Variants in TMTC1 observed in about 807,000 individuals in gnomAD.
TMTC1 encodes the protein transmembrane O-mannosyltransferase targeting cadherins 1, also known as protein O-mannosyl-transferase TMTC1.
In TMTC1, 73 loss-of-function variants were observed where a neutral mutation model predicts 104.8. The ratio of observed to expected loss-of-function variants is 0.70; its 90% CI spans 0.58 to 0.85. The LOEUF is 0.85. TMTC1 is among the 40% of genes least tolerant of loss of function. TMTC1 has a pLI of 0.00. For synonymous variants in TMTC1, 434 were observed against 428.7 expected, an observed-to-expected ratio of 1.01 and a Z score of -0.15; for missense variants, 1,035 against 1,096.1, an observed-to-expected ratio of 0.94 and a Z score of 0.79.
chr12:29,594,419 G>A (rs1473622452), intron 7 of TMTC1, among the ~76,000 whole-genome samples: 4 of 152,322 alleles, frequency 2.6e-5, no homozygotes, highest in South Asian at 2.1e-4. Flanking sequence ...TGTGTCCATC[G>A]TTCTTTAATT....
At chr12:29,549,505 A>T (rs2136237106) in intron 10 of TMTC1, among the ~76,000 whole-genome samples, 1 of 152,276 alleles carries the variant, frequency 6.6e-6, no homozygotes, top group East Asian at 1.9e-4. Flanking sequence ...TGAAGACTTA[A>T]GATTTGTGCA....
intron 5 of TMTC1, chr12:29,660,939 T>A: frequency 1.8e-6 from 2 of 1,105,398 alleles, no homozygotes; most frequent in Non-Finnish European, 2.5e-6. Context: ...AGACACAATG[T>A]TCTCCTTTCA....
At chr12:29,778,353 T>C (rs1246408862) in intron 1 of TMTC1, among the ~76,000 whole-genome samples, 1 of 152,214 alleles carries the variant, frequency 6.6e-6, no homozygotes, top group African/African-American at 2.4e-5. Flanking sequence ...AATTCAGCAG[T>C]ATCTTCTTCC....
At chr12:29,761,583 T>TC (rs2120395235) in intron 2 of TMTC1, among the ~76,000 whole-genome samples, 1 of 304 alleles carries the variant, frequency 3.3e-3, no homozygotes, top group African/African-American at 6.0e-3. Flanking sequence ...GCATTTCTCG[T>TC]TTTTTTTTTA....
chr12:29,639,758 A>G (rs542881967), intron 5 of TMTC1, among the ~76,000 whole-genome samples: 62 of 152,372 alleles, frequency 4.1e-4, no homozygotes, highest in African/African-American at 1.4e-3. Flanking sequence ...ATGCATACAT[A>G]CATTATGGAA....
At chr12:29,566,612 T>G (rs1945523646) in intron 9 of TMTC1, among the ~76,000 whole-genome samples, 1 of 152,118 alleles carries the variant, frequency 6.6e-6, no homozygotes, top group Non-Finnish European at 1.5e-5. Flanking sequence ...ACAACACCAG[T>G]TAGGAGCATA....
Position 29,716,872 on chromosome 12 carries a change from G to A in TMTC1, c.938+34794C>T, listed in dbSNP as rs534010273. On this transcript the variant is annotated intron_variant, in intron 5 of 17. Transcript: ENST00000539277. Reference sequence around the variant, plus strand: ...CTACTAAAAATACAAAAACTTAGCCGGGTGTGGTGGCGGGCACCTGTAGTC... The same window carrying A: ...CTACTAAAAATACAAAAACTTAGCCAGGTGTGGTGGCGGGCACCTGTAGTC... Among the ~76,000 whole-genome samples, 503 of 152,044 alleles carry A rather than the reference G, an allele frequency of 3.3e-3. 2 individuals are homozygous for A. The highest frequency in any genetic ancestry group is 0.011 in the African/African-American group (476 of 41,474).
intron 6 of TMTC1, among the ~76,000 whole-genome samples, chr12:29,625,188 G>T (rs1246918542): frequency 6.6e-6 from 1 of 152,138 alleles, no homozygotes; most frequent in African/African-American, 2.4e-5. Flanking sequence ...TTTTAACACA[G>T]AACAATGTCC....
At chr12:29,526,335 T>C (rs916398773) in intron 11 of TMTC1, among the ~76,000 whole-genome samples, 1 of 152,196 alleles carries the variant, frequency 6.6e-6, no homozygotes, top group Non-Finnish European at 1.5e-5. Flanking sequence ...ATTTAGATCC[T>C]CTCAAAAACC....
At chr12:29,665,150 C>CA (rs1249483695) in intron 5 of TMTC1, among the ~76,000 whole-genome samples, 10 of 149,978 alleles carry the variant, frequency 6.7e-5, no homozygotes, top group African/African-American at 9.8e-5. Flanking sequence ...TACCCAATTT[C>CA]AAAAAAAAAG....
chr12:29,727,287 G>A (rs302366), intron 5 of TMTC1, among the ~76,000 whole-genome samples: 35,847 of 152,226 alleles, frequency 0.24, 5,098 homozygotes, highest in Admixed American at 0.32. Context: ...ATGGATTACA[G>A]TGATGCAGGA....
In TMTC1 at chr12:29,518,539, T is replaced by G; in HGVS notation, c.1957A>C (p.Met653Leu). ...CTGTAGAGTCTTCCCAAGTTCACCA[T>G]GGCCACGTGATGACTGGGGCTAAGT... The part of the protein sequence containing the change: ...IKLSPSHHVA[M>L]VNLGRLYRSL... Residue 653 changes from methionine (M) to leucine (L), a missense_variant, in exon 13 of 18, where the codon ATG (methionine) becomes CTG (leucine). Coordinates refer to ENST00000539277, the MANE Select transcript of TMTC1 (RefSeq NM_001193451.2). The G allele has an allele frequency of 6.2e-7, 1 of 1,614,184 alleles. No homozygotes were observed. Among genetic ancestry groups the G allele is most frequent in the Non-Finnish European group, 8.5e-7 (1 of 1,179,996 alleles).
chr12:29,778,467 G>A (rs1943761446), intron 1 of TMTC1, among the ~76,000 whole-genome samples: 1 of 152,088 alleles, frequency 6.6e-6, no homozygotes, highest in African/African-American at 2.4e-5. Flanking sequence ...TTGGTTCTGT[G>A]TCAATTCACC....
rs569516911 is a variant in TMTC1 at position 29,672,861 on chromosome 12, C to T, written c.939-39525G>A. ...CAGTAAAGTAGGTGGCCTCATAAAA[C>T]GCAACACCCGTTATAAGGAGGTAAA... On this transcript the variant is annotated intron_variant, in intron 5 of 17. Coordinates refer to ENST00000539277, the MANE Select transcript of TMTC1 (RefSeq NM_001193451.2). 1.6e-3 allele frequency among the ~76,000 whole-genome samples: 244 copies of T among 152,226 alleles called. 2 individuals carry two copies. Among genetic ancestry groups the T allele is most frequent in the African/African-American group, 4.5e-3 (186 of 41,540 alleles).
At chr12:29,592,373 C>A (rs1419029625) in intron 7 of TMTC1, among the ~76,000 whole-genome samples, 1 of 152,176 alleles carries the variant, frequency 6.6e-6, no homozygotes, top group Non-Finnish European at 1.5e-5. Context: ...AGAAAAGAAT[C>A]CCCAAAGACA....
intron 5 of TMTC1, among the ~76,000 whole-genome samples, chr12:29,665,183 G>C (rs556973274): frequency 6.6e-6 from 1 of 152,146 alleles, no homozygotes; most frequent in Non-Finnish European, 1.5e-5. Flanking sequence ...CAAGGGATTC[G>C]TGAAAAGTCA....
chr12:29,574,386 T>C (rs140201790), intron 8 of TMTC1, among the ~76,000 whole-genome samples: 88 of 152,272 alleles, frequency 5.8e-4, no homozygotes, highest in African/African-American at 1.9e-3. Context: ...AATGCAGGTA[T>C]AATTATTCTA....
chr12:29,573,621 G>A (rs1034483758), intron 8 of TMTC1, among the ~76,000 whole-genome samples: 1 of 152,190 alleles, frequency 6.6e-6, no homozygotes. Flanking sequence ...CCAGAAGGCA[G>A]TGAAGGTGAA....
rs1033187263 is a variant in TMTC1 at position 29,636,808 on chromosome 12, G to A, written c.939-3472C>T. ...GCCTGTAATCTGAGCACCTTGGGAGGCCTAGCTGAGAGGACTGCTTGAGCC... is the reference window on the plus strand; with the variant it reads ...GCCTGTAATCTGAGCACCTTGGGAGACCTAGCTGAGAGGACTGCTTGAGCC... On this transcript the variant is annotated intron_variant, in intron 5 of 17. Coordinates refer to ENST00000539277, the MANE Select transcript of TMTC1 (RefSeq NM_001193451.2). Among the ~76,000 whole-genome samples the A allele has an allele frequency of 2.7e-4, 41 of 151,844 alleles. No homozygotes were observed. The Middle Eastern group carries it at 0.01, about 38-fold the overall frequency.
Sources: gnomAD v4.1 joint callset for allele counts (sites outside exome capture counted in the v4.1 genomes callset) on GRCh38, gnomAD v4.1.1 for gene constraint, MANE v1.5 for transcripts, NCBI Gene and HGNC (gene_info 2026-07-23, HGNC 2026-07-21) for gene names.